DCC: variants seen among roughly 807,000 people sequenced by gnomAD.
The protein encoded by DCC is netrin receptor DCC.
A neutral mutation model predicts 172.5 loss-of-function variants in DCC; 58 were observed. That is an observed-to-expected ratio of 0.34 (90% CI 0.27 to 0.42). The LOEUF (loss-of-function observed/expected upper bound fraction) is 0.42, where lower values mean the gene tolerates loss of function less well. DCC is among the 10% of genes least tolerant of loss of function. The pLI is 1.00. For missense variants in DCC, 1,740 were observed against 1,791.0 expected, an observed-to-expected ratio of 0.97 and a Z score of 0.51; for synonymous variants, 709 against 644.5, an observed-to-expected ratio of 1.10 and a Z score of -1.52.
At chr18:53,344,136 T>G (rs776876364) in intron 15 of DCC, among the ~76,000 whole-genome samples, 9 of 152,080 alleles carry the variant, frequency 5.9e-5, no homozygotes, top group Non-Finnish European at 1.0e-4. Context: ...TCTACTGTTA[T>G]CTTGACTACT....
chr18:52,344,422 T>A (rs1192407738), intron 1 of DCC, among the ~76,000 whole-genome samples: 1 of 152,208 alleles, frequency 6.6e-6, no homozygotes, highest in Non-Finnish European at 1.5e-5. Flanking sequence ...AAAGGAATTC[T>A]AGCAACTCAG....
intron 2 of DCC, among the ~76,000 whole-genome samples, chr18:52,752,988 T>C (rs62081900): frequency 0.1 from 15,102 of 145,842 alleles, 952 homozygotes; most frequent in Middle Eastern, 0.22. Flanking sequence ...ATATCATATA[T>C]ACACACACAC....
At chr18:52,686,485 C>T (rs2035837704) in intron 1 of DCC, among the ~76,000 whole-genome samples, 2 of 152,080 alleles carry the variant, frequency 1.3e-5, no homozygotes, top group African/African-American at 2.4e-5. Context: ...GATTAGTCCA[C>T]CTGTGGTTTT....
At chr18:52,597,446 C>CAAT (rs2033931465) in intron 1 of DCC, among the ~76,000 whole-genome samples, 1 of 152,160 alleles carries the variant, frequency 6.6e-6, no homozygotes, top group African/African-American at 2.4e-5. Context: ...AGCGATGGGT[C>CAAT]AATATTGCTT....
At chr18:52,479,610 A>G (rs2029881342) in intron 1 of DCC, among the ~76,000 whole-genome samples, 1 of 131,302 alleles carries the variant, frequency 7.6e-6, no homozygotes, top group South Asian at 2.7e-4. Context: ...CCTCTCACTA[A>G]GTTCTATTTC....
intron 7 of DCC, among the ~76,000 whole-genome samples, chr18:53,075,307 G>T (rs1223901517): frequency 1.3e-5 from 2 of 152,144 alleles, no homozygotes; most frequent in Non-Finnish European, 2.9e-5. Flanking sequence ...GCAAATAAAG[G>T]CTTGTCATTC....
At chr18:52,578,413 ATG>A (rs2033466847) in intron 1 of DCC, among the ~76,000 whole-genome samples, 3 of 152,242 alleles carry the variant, frequency 2.0e-5, no homozygotes, top group Non-Finnish European at 2.9e-5. Flanking sequence ...TCAGGAGCTG[ATG>A]ATACATTTTA....
chr18:53,367,774 A>G (rs1049401262), intron 15 of DCC, among the ~76,000 whole-genome samples: 2 of 152,140 alleles, frequency 1.3e-5, no homozygotes, highest in African/African-American at 2.4e-5. Flanking sequence ...ATGATATAAT[A>G]TTTACCTTTT....
chr18:52,769,353 T>G (rs1189681127), intron 2 of DCC, among the ~76,000 whole-genome samples: 1 of 152,226 alleles, frequency 6.6e-6, no homozygotes, highest in Admixed American at 6.5e-5. Context: ...TTTCATATGC[T>G]TATTTGCCAC....
chr18:53,467,856 T>G, intron 24 of DCC, 38 bp from the exon 25 acceptor site: 1 of 1,028,652 alleles, frequency 9.7e-7, no homozygotes, highest in Non-Finnish European at 1.5e-6. Flanking sequence ...GTTGCATCCT[T>G]GAAGAGGGCA....
At chr18:52,471,700 G>A (rs754788918) in intron 1 of DCC, among the ~76,000 whole-genome samples, 11 of 152,176 alleles carry the variant, frequency 7.2e-5, no homozygotes, top group Non-Finnish European at 1.6e-4. Flanking sequence ...TAATGACGAA[G>A]AATGCAGCTT....
At chr18:52,438,401 A>G (rs769647997) in intron 1 of DCC, among the ~76,000 whole-genome samples, 41 of 152,130 alleles carry the variant, frequency 2.7e-4, no homozygotes, top group Non-Finnish European at 5.1e-4. Flanking sequence ...AGTGCTGTAA[A>G]ATGGAGAGTT....
intron 15 of DCC, among the ~76,000 whole-genome samples, chr18:53,346,486 C>A (rs1230929910): frequency 6.6e-6 from 1 of 151,998 alleles, no homozygotes; most frequent in Non-Finnish European, 1.5e-5. Context: ...AACCTTTTTA[C>A]TCTTTTCTTG....
At chr18:52,952,416 G>GA (rs1186496781) in intron 5 of DCC, among the ~76,000 whole-genome samples, 1 of 152,062 alleles carries the variant, frequency 6.6e-6, no homozygotes, top group Non-Finnish European at 1.5e-5. Flanking sequence ...GCTTGATCAA[G>GA]AAAAAATGTG....
At chr18:52,557,783 C>A (rs1362913183) in intron 1 of DCC, among the ~76,000 whole-genome samples, 1 of 152,138 alleles carries the variant, frequency 6.6e-6, no homozygotes, top group South Asian at 2.1e-4. Flanking sequence ...CCTCAGCCCC[C>A]CAAGTAGCTG....
chr18:53,086,048 CCTTCTCCTTCTCCTTCTCCCT>C (rs1568294360), intron 7 of DCC, among the ~76,000 whole-genome samples: 74 of 366 alleles, frequency 0.2, 21 homozygotes, highest in Non-Finnish European at 0.31. Context: ...CTCTCCCTCT[CCTTCTCCTTCTCCTTCTCCCT>C]CTCCTCCTCC....
At chr18:52,855,105 G>A (rs563898494) in intron 2 of DCC, among the ~76,000 whole-genome samples, 1 of 152,274 alleles carries the variant, frequency 6.6e-6, no homozygotes, top group South Asian at 2.1e-4. Context: ...ACTATAGGGA[G>A]CTCTTGTGTG....
At chr18:52,572,638 C>T (rs1435704908) in intron 1 of DCC, among the ~76,000 whole-genome samples, 1 of 152,092 alleles carries the variant, frequency 6.6e-6, no homozygotes, top group African/African-American at 2.4e-5. Flanking sequence ...GGAGTGGGGC[C>T]CTGCCCAGAG....
intron 13 of DCC, among the ~76,000 whole-genome samples, chr18:53,312,937 A>AG (rs1315528190): frequency 1.5e-5 from 1 of 65,364 alleles, no homozygotes; most frequent in Non-Finnish European, 4.0e-5. Flanking sequence ...GAGGGAAGGG[A>AG]AAGGGAGGGG....
Sources: allele counts gnomAD v4.1 joint callset (sites outside exome capture counted in the v4.1 genomes callset), GRCh38; gene constraint gnomAD v4.1.1; transcripts MANE v1.5; gene names NCBI Gene and HGNC (gene_info 2026-07-23, HGNC 2026-07-21).